MARCHF1: variants seen among roughly 807,000 people sequenced by gnomAD.
MARCHF1 encodes membrane associated ring-CH-type finger 1.
A neutral mutation model predicts 54.2 loss-of-function variants in MARCHF1; 40 were observed. The ratio of observed to expected loss-of-function variants is 0.74; its 90% CI spans 0.57 to 0.96. MARCHF1 has a LOEUF of 0.96. Among genes scored for constraint, MARCHF1 ranks in the 40% least tolerant of loss-of-function variants. The pLI is 0.00. For missense variants in MARCHF1, 586 were observed against 656.5 expected (o/e 0.89, Z 1.17); for synonymous variants, 236 against 236.3 (o/e 1.00, Z 0.01).
intron 3 of MARCHF1, among the ~76,000 whole-genome samples, chr4:163,932,119 GA>G (rs35426193): frequency 0.63 from 94,322 of 149,658 alleles, 29,586 homozygotes; most frequent in Middle Eastern, 0.72. Context: ...TTGCTAAAAA[GA>G]AAAAAAAAAA....
intron 3 of MARCHF1, among the ~76,000 whole-genome samples, chr4:163,898,358 A>G (rs1750861324): frequency 6.6e-6 from 1 of 152,200 alleles, no homozygotes; most frequent in Non-Finnish European, 1.5e-5. Context: ...CACCACCACT[A>G]AAAACTGGGC....
intron 1 of MARCHF1, among the ~76,000 whole-genome samples, chr4:164,307,106 G>A (rs1321427381): frequency 1.3e-5 from 2 of 152,116 alleles, no homozygotes; most frequent in African/African-American, 4.8e-5. Context: ...GGGGAACACA[G>A]GAGATGCAGA....
chr4:164,092,353 C>A (rs1487371432), intron 2 of MARCHF1, among the ~76,000 whole-genome samples: 1 of 152,110 alleles, frequency 6.6e-6, no homozygotes, highest in Admixed American at 6.6e-5. Flanking sequence ...TATCATGTAT[C>A]CCACACAACA....
chr4:164,155,707 G>C (rs1016367497), intron 1 of MARCHF1, among the ~76,000 whole-genome samples: 1 of 152,068 alleles, frequency 6.6e-6, no homozygotes, highest in African/African-American at 2.4e-5. Context: ...TACTTAATGG[G>C]TATAATACCC....
At chr4:164,296,709 T>A (rs144989185) in intron 1 of MARCHF1, among the ~76,000 whole-genome samples, 1 of 152,282 alleles carries the variant, frequency 6.6e-6, no homozygotes, top group Non-Finnish European at 1.5e-5. Flanking sequence ...TGTACACAGT[T>A]ACTCTGTCAT....
chr4:163,900,046 C>G (rs1299577358), intron 3 of MARCHF1, among the ~76,000 whole-genome samples: 1 of 152,052 alleles, frequency 6.6e-6, no homozygotes, highest in Non-Finnish European at 1.5e-5. Flanking sequence ...GTGATCCCAT[C>G]CCCAGGAACT....
intron 1 of MARCHF1, among the ~76,000 whole-genome samples, chr4:164,328,692 G>T (rs1259784318): frequency 6.6e-6 from 1 of 151,992 alleles, no homozygotes; most frequent in African/African-American, 2.4e-5. Context: ...AGCACGCTCA[G>T]CTAATTTTTG....
intron 1 of MARCHF1, among the ~76,000 whole-genome samples, chr4:164,293,443 T>C (rs1230413790): frequency 6.6e-6 from 1 of 152,196 alleles, no homozygotes; most frequent in East Asian, 1.9e-4. Context: ...TTTCTGTCGA[T>C]AAATACTGCC....
rs770083232 is a variant in MARCHF1, at chr4:164,197,703, C to T, written c.-322-86041G>A. 9.9e-6 allele frequency: 16 copies of T among 1,612,098 alleles called. No homozygotes were observed. In the African/African-American group the frequency reaches 1.6e-4, roughly 16 times the overall value. ...GCAGCTCTGAATGAATCCGTCTGCC[C>T]ATCTCCATCTCTCGCGCTCTCTGTC... is the stretch of plus-strand genomic sequence containing the variant. On this transcript the variant is annotated intron_variant, in intron 1 of 9. Transcript: ENST00000514618.
intron 4 of MARCHF1, among the ~76,000 whole-genome samples, chr4:163,801,480 G>A (rs533280864): frequency 1.3e-5 from 2 of 152,092 alleles, no homozygotes; most frequent in East Asian, 3.9e-4. Flanking sequence ...AAATACTCCG[G>A]AATGTGCTAC....
Position 163,765,032 on chromosome 4 carries a change from T to G in MARCHF1, c.112-64169A>C, listed in dbSNP as rs367897306. Among the ~76,000 whole-genome samples the G allele has an allele frequency of 8.5e-5, 13 of 152,214 alleles. 1 individual carries two copies. Among genetic ancestry groups the G allele is most frequent in the African/African-American group, 3.1e-4 (13 of 41,562 alleles). On this transcript the variant is annotated intron_variant, in intron 4 of 9. Coordinates refer to ENST00000514618, the MANE Select transcript of MARCHF1 (RefSeq NM_001394959.1). ...GAGGTTTTCTCATGTTTATTGTACCTGGATGGTGGAAATATTATAAATCAG... is the reference window on the plus strand; with the variant it reads ...GAGGTTTTCTCATGTTTATTGTACCGGGATGGTGGAAATATTATAAATCAG...
intron 4 of MARCHF1, among the ~76,000 whole-genome samples, chr4:163,840,289 G>A (rs924492791): frequency 4.6e-5 from 7 of 152,056 alleles, no homozygotes; most frequent in Admixed American, 2.6e-4. Context: ...GGAATGGGGC[G>A]TGTTCAATCT....
chr4:164,351,002 G>A (rs369081942), intron 1 of MARCHF1, among the ~76,000 whole-genome samples: 32 of 152,058 alleles, frequency 2.1e-4, no homozygotes, highest in East Asian at 3.9e-4. Flanking sequence ...AAGGGGTGAC[G>A]GACGCACCTG....
At chr4:163,805,080 GAT>G (rs1172285460) in intron 4 of MARCHF1, among the ~76,000 whole-genome samples, 1 of 151,838 alleles carries the variant, frequency 6.6e-6, no homozygotes, top group African/African-American at 2.4e-5. Flanking sequence ...CTGTATATAT[GAT>G]ATATATACAT....
At chr4:163,933,507 TTAGG>T (rs1751726606) in intron 3 of MARCHF1, among the ~76,000 whole-genome samples, 1 of 152,200 alleles carries the variant, frequency 6.6e-6, no homozygotes, top group African/African-American at 2.4e-5. Context: ...TTCCAAACAC[TTAGG>T]TAGAGGACTA....
intron 4 of MARCHF1, among the ~76,000 whole-genome samples, chr4:163,829,284 G>A (rs1748947544): frequency 6.6e-6 from 1 of 152,158 alleles, no homozygotes. Flanking sequence ...ACCACATCTT[G>A]AAAAGGGCCG....
intron 2 of MARCHF1, among the ~76,000 whole-genome samples, chr4:164,080,497 G>A (rs1755072524): frequency 6.6e-6 from 1 of 152,012 alleles, no homozygotes; most frequent in Non-Finnish European, 1.5e-5. Context: ...AAAAAATAGA[G>A]CATAGACTTT....
intron 2 of MARCHF1, among the ~76,000 whole-genome samples, chr4:164,046,942 C>T (rs1013441064): frequency 1.3e-5 from 2 of 152,010 alleles, no homozygotes; most frequent in East Asian, 3.9e-4. Flanking sequence ...AATAAAAAGG[C>T]TAAAAAAAGA....
At chr4:163,901,638 G>A (rs1182420283) in intron 3 of MARCHF1, among the ~76,000 whole-genome samples, 1 of 152,172 alleles carries the variant, frequency 6.6e-6, no homozygotes, top group Non-Finnish European at 1.5e-5. Context: ...AGCATAGACT[G>A]ACAAATGGGT....
Sources: gnomAD v4.1 joint callset for allele counts (sites outside exome capture counted in the v4.1 genomes callset) on GRCh38, gnomAD v4.1.1 for gene constraint, MANE v1.5 for transcripts, NCBI Gene and HGNC (gene_info 2026-07-23, HGNC 2026-07-21) for gene names.